The following KCNT2 variants were observed in gnomAD, a reference collection of about 807,000 sequenced individuals.
KCNT2 encodes potassium sodium-activated channel subfamily T member 2, also known as potassium channel subfamily T member 2.
KCNT2 carries 67 observed loss-of-function variants against 153.8 expected under a neutral mutation model. That is an observed-to-expected ratio of 0.44 (90% CI 0.36 to 0.53). The LOEUF (loss-of-function observed/expected upper bound fraction) is 0.53. Among genes scored for constraint, KCNT2 ranks in the 20% least tolerant of loss-of-function variants. The pLI, the probability that KCNT2 is intolerant of heterozygous loss-of-function variation, is 0.00. For missense variants in KCNT2, 975 were observed against 1,354.8 expected, an observed-to-expected ratio of 0.72 and a Z score of 4.40; for synonymous variants, 500 against 458.8, an observed-to-expected ratio of 1.09 and a Z score of -1.15.
At chr1:196,321,478 A>G (rs1384149145) in intron 19 of KCNT2, among the ~76,000 whole-genome samples, 1 of 152,012 alleles carries the variant, frequency 6.6e-6, no homozygotes, top group Non-Finnish European at 1.5e-5. Context: ...ACTGGCCATC[A>G]AATTTAATCA....
chr1:196,413,919 A>G (rs1365148831), intron 12 of KCNT2, among the ~76,000 whole-genome samples: 1 of 151,696 alleles, frequency 6.6e-6, no homozygotes, highest in Non-Finnish European at 1.5e-5. Flanking sequence ...GACCAATTCT[A>G]GGATTGTCAG....
intron 27 of KCNT2, among the ~76,000 whole-genome samples, chr1:196,231,218 A>G (rs555193865): frequency 6.6e-6 from 1 of 151,990 alleles, no homozygotes; most frequent in Non-Finnish European, 1.5e-5. Flanking sequence ...TTTAGACATA[A>G]TGCTTTGCTT....
chr1:196,467,909 T>C, intron 6 of KCNT2, 123 bp from the exon 7 acceptor site: 1 of 484,254 alleles, frequency 2.1e-6, no homozygotes, highest in Non-Finnish European at 3.8e-6. Flanking sequence ...ATATGACAAA[T>C]AATGTAAACT....
At chr1:196,283,231 G>T (rs1359480544) in intron 23 of KCNT2, among the ~76,000 whole-genome samples, 1 of 152,178 alleles carries the variant, frequency 6.6e-6, no homozygotes, top group East Asian at 1.9e-4. Context: ...GGAGGTCCCA[G>T]GAGATCGAGA....
intron 25 of KCNT2, among the ~76,000 whole-genome samples, chr1:196,272,981 T>C (rs1658209751): frequency 6.6e-6 from 1 of 151,884 alleles, no homozygotes; most frequent in Non-Finnish European, 1.5e-5. Context: ...CACTATAATA[T>C]TATTAAGAAT....
intron 1 of KCNT2, among the ~76,000 whole-genome samples, chr1:196,560,538 C>T (rs888826715): frequency 2.0e-5 from 3 of 151,812 alleles, no homozygotes; most frequent in African/African-American, 7.3e-5. Flanking sequence ...CCATTAATAT[C>T]TTTCTTAAGA....
intron 12 of KCNT2, among the ~76,000 whole-genome samples, chr1:196,417,967 G>A (rs1672884636): frequency 1.3e-5 from 2 of 152,092 alleles, no homozygotes; most frequent in South Asian, 4.2e-4. Flanking sequence ...ATGTTATGTG[G>A]TGCATGACTG....
At chr1:196,481,243 C>A (rs1164989491) in intron 4 of KCNT2, among the ~76,000 whole-genome samples, 1 of 152,076 alleles carries the variant, frequency 6.6e-6, no homozygotes, top group Non-Finnish European at 1.5e-5. Flanking sequence ...ACAGACTTCA[C>A]AATCATCGTG....
chr1:196,490,713 C>T (rs1056124940), intron 2 of KCNT2, among the ~76,000 whole-genome samples: 2 of 151,576 alleles, frequency 1.3e-5, no homozygotes, highest in Non-Finnish European at 3.0e-5. Flanking sequence ...AATTATGCAG[C>T]CTGTAATATT....
At chr1:196,428,455 C>T (rs947208879) in intron 9 of KCNT2, among the ~76,000 whole-genome samples, 186 bp from the exon 10 acceptor site, 4 of 152,008 alleles carry the variant, frequency 2.6e-5, no homozygotes, top group Non-Finnish European at 5.9e-5. Flanking sequence ...CAAATGTCTC[C>T]CAGGGGCTTC....
At chr1:196,325,838 G>C (rs958047228) in intron 19 of KCNT2, among the ~76,000 whole-genome samples, 1 of 152,042 alleles carries the variant, frequency 6.6e-6, no homozygotes, top group African/African-American at 2.4e-5. Context: ...TTTGATGTTG[G>C]TAAAGTGAGA....
Position 196,571,054 on chromosome 1 carries a change from A to T in KCNT2, c.95+37161T>A, listed in dbSNP as rs1572862244. On this transcript the variant is annotated intron_variant, in intron 1 of 27. Coordinates refer to ENST00000294725, the MANE Select transcript of KCNT2 (RefSeq NM_198503.5). ...ATCTTCCCCTCCCCACTAAGAAGTA[A>T]GCCCCATAAAGGCAGAAATCTTTAC... Among the ~76,000 whole-genome samples the T allele has an allele frequency of 4.6e-5, 7 of 152,222 alleles. No individual in the cohort carries two copies. The South Asian group carries it at 1.2e-3, about 27-fold the overall frequency.
At chr1:196,527,121 G>T (rs941191445) in intron 1 of KCNT2, among the ~76,000 whole-genome samples, 4 of 152,132 alleles carry the variant, frequency 2.6e-5, no homozygotes, top group African/African-American at 9.7e-5. Context: ...GCCCCCACTG[G>T]TCTATGGGAA....
intron 25 of KCNT2, among the ~76,000 whole-genome samples, chr1:196,277,366 G>C (rs1244782666): frequency 6.6e-6 from 1 of 152,098 alleles, no homozygotes; most frequent in Admixed American, 6.6e-5. Context: ...GGCCTTCCAC[G>C]TGGGTTGGTC....
chr1:196,310,222 C>T (rs189283249), intron 21 of KCNT2, among the ~76,000 whole-genome samples: 3 of 151,756 alleles, frequency 2.0e-5, no homozygotes, highest in Non-Finnish European at 4.4e-5. Flanking sequence ...GCCATGGTAG[C>T]TGGAAATAAT....
intron 8 of KCNT2, among the ~76,000 whole-genome samples, chr1:196,451,217 C>CTATT (rs1676135727): frequency 3.1e-5 from 2 of 63,552 alleles, no homozygotes; most frequent in African/African-American, 9.4e-5. Context: ...ATCCCTCTTT[C>CTATT]TTTTTTTTTT....
chr1:196,555,419 C>A (rs1658509542), intron 1 of KCNT2, among the ~76,000 whole-genome samples: 1 of 150,696 alleles, frequency 6.6e-6, no homozygotes, highest in Admixed American at 6.7e-5. Context: ...AAATATAATT[C>A]AATACATAGG....
At chr1:196,235,749 G>A (rs895110122) in intron 27 of KCNT2, among the ~76,000 whole-genome samples, 1 of 151,138 alleles carries the variant, frequency 6.6e-6, no homozygotes, top group Non-Finnish European at 1.5e-5. Flanking sequence ...ATATTTTTTA[G>A]CTCACATAAT....
intron 27 of KCNT2, among the ~76,000 whole-genome samples, chr1:196,233,022 T>C (rs891037239): frequency 4.6e-5 from 7 of 151,340 alleles, no homozygotes; most frequent in Non-Finnish European, 1.0e-4. Flanking sequence ...TCTATACTTA[T>C]GGACTTAAAA....
Sources: gnomAD v4.1 joint callset for allele counts (sites outside exome capture counted in the v4.1 genomes callset) on GRCh38, gnomAD v4.1.1 for gene constraint, MANE v1.5 for transcripts, NCBI Gene and HGNC (gene_info 2026-07-23, HGNC 2026-07-21) for gene names.